Variants in VPS9D1 observed in about 807,000 individuals in gnomAD.
VPS9D1 encodes VPS9 domain-containing protein 1.
In VPS9D1, 78 loss-of-function variants were observed where a neutral mutation model predicts 75.8. The ratio of observed to expected loss-of-function variants is 1.03; its 90% CI spans 0.86 to 1.24. The LOEUF (loss-of-function observed/expected upper bound fraction) is 1.24, where lower values mean the gene tolerates loss of function less well. Among genes scored for constraint, VPS9D1 ranks in the 50% most tolerant of loss-of-function variants. VPS9D1 has a pLI of 0.00. For synonymous variants in VPS9D1, 481 were observed against 385.6 expected (o/e 1.25, Z -2.90); for missense variants, 1,057 against 847.7 (o/e 1.25, Z -3.07).
At chr16:89,720,327 C>G (rs1305506477) in intron 1 of VPS9D1, 3 of 849,714 alleles carry the variant, frequency 3.5e-6, no homozygotes, top group Non-Finnish European at 4.2e-6. Context: ...CTTCCTAAGA[C>G]GACTGCAAAC....
chr16:89,709,411 A>G lies in VPS9D1; in HGVS notation c.1413T>C (p.Ala471=). The part of the protein sequence containing the change: ...LYRSVHRARE[A]ALSRSMELYR... ...AGAGCTCCATGCTCCTGCTCAGGGC[A>G]GCCTCCCGGGCTCGGTGCACGCTCC... The change falls in exon 12 of 15, where the codon GCT becomes GCC. Residue 471 remains alanine, a synonymous_variant. Transcript: ENST00000389386. 1 of 1,521,532 alleles carries G rather than the reference A, an allele frequency of 6.6e-7. No individual in the cohort carries two copies. The allele number at this position is 1,521,532 out of a possible 1,614,324, so 94.3% of individuals were successfully genotyped here.
chr16:89,713,930 A>T (rs578073816), intron 4 of VPS9D1, among the ~76,000 whole-genome samples: 1 of 151,994 alleles, frequency 6.6e-6, no homozygotes, highest in Admixed American at 6.6e-5. Context: ...AAAATCACTG[A>T]GGTTTTTTTG....
rs1016844214 is a variant in VPS9D1, at chr16:89,711,833, C to T, written c.747+49G>A. The T allele has an allele frequency of 6.5e-6, 10 of 1,539,052 alleles. 1 individual carries two copies. The highest frequency in any genetic ancestry group is 3.6e-4 in the Middle Eastern group (2 of 5,498). On this transcript the variant is annotated intron_variant, in intron 8 of 14. Transcript: ENST00000389386. ...CCCACCCAGGCGGCTCTGACCCCGC[C>T]CCCCTCGCTGGGCTCCTCCTACAAA... is the stretch of plus-strand genomic sequence containing the variant.
At chr16:89,713,319 A>T (rs1226782934) in intron 4 of VPS9D1, among the ~76,000 whole-genome samples, 2 of 151,518 alleles carry the variant, frequency 1.3e-5, no homozygotes, top group South Asian at 4.2e-4. Context: ...CAGTGGCGCA[A>T]TCTCGGCTCA....
intron 6 of VPS9D1, 38 bp from the exon 7 acceptor site, chr16:89,712,137 G>A: frequency 6.5e-7 from 1 of 1,547,824 alleles, no homozygotes; most frequent in Non-Finnish European, 8.7e-7. Context: ...TGGGATCTGA[G>A]CGGGCCCTCG....
Position 89,708,489 on chromosome 16 carries a change from C to T in VPS9D1, c.1740G>A (p.Leu580=). Residue 580 remains leucine, a synonymous_variant, in exon 14 of 15, where the codon CTG becomes CTA. Transcript: ENST00000389386. ...DLLPILSFVV[L]RSGLPQLVSE... is the part of the protein sequence containing the mutation. ...ACACCAGCTGAGGGAGGCCGCTCCT[C>T]AGCACCACGAAGGACAGGATGGGCA... 6.2e-7 allele frequency: 1 copy of T among 1,613,180 alleles called. No homozygotes were observed. Among genetic ancestry groups the T allele is most frequent in the Non-Finnish European group, 8.5e-7 (1 of 1,179,922 alleles).
intron 1 of VPS9D1, among the ~76,000 whole-genome samples, chr16:89,719,871 G>A (rs1180781850): frequency 2.0e-5 from 3 of 152,024 alleles, no homozygotes; most frequent in South Asian, 2.1e-4. Flanking sequence ...GGTGTGCACC[G>A]CCACACCCAG....
intron 9 of VPS9D1, 140 bp from the exon 10 acceptor site, chr16:89,711,150 C>T (rs1567544327): frequency 2.5e-6 from 3 of 1,203,466 alleles, no homozygotes; most frequent in East Asian, 2.6e-5. Context: ...CCCCCCGCCC[C>T]CGCTGGGGAG....
chr16:89,712,288 G>A (rs2060950135), intron 6 of VPS9D1, 172 bp downstream of exon 6: 8 of 1,321,768 alleles, frequency 6.1e-6, no homozygotes, highest in Non-Finnish European at 8.3e-6. Flanking sequence ...AGAACATGGG[G>A]GACGGCGGCC....
rs1253243642 is a variant in VPS9D1, at chr16:89,716,610, T to C, written c.283A>G (p.Lys95Glu). Residue 95 changes from lysine to glutamate, a missense_variant, in exon 4 of 15, where the codon AAG (lysine) becomes GAG (glutamate). Physicochemically the swap from Lys to Glu is moderately conservative, Grantham distance 56. Coordinates refer to ENST00000389386, the MANE Select transcript of VPS9D1 (RefSeq NM_004913.3). ...TAAKLGKTRL[K>E]PTMPAAAPIP... ...GGAGCAGCTGCAGGCATGGTTGGCTTCAGGCGTGTTTTCCCTGCAAGCCAT... is the reference window on the plus strand; with the variant it reads ...GGAGCAGCTGCAGGCATGGTTGGCTCCAGGCGTGTTTTCCCTGCAAGCCAT... The C allele has an allele frequency of 6.2e-7, 1 of 1,613,272 alleles. No homozygotes were observed. Among genetic ancestry groups the C allele is most frequent in the African/African-American group, 1.3e-5 (1 of 74,906 alleles).
At chr16:89,712,015 G>A (rs1419968431) in intron 7 of VPS9D1, 32 bp downstream of exon 7, 3 of 1,549,208 alleles carry the variant, frequency 1.9e-6, no homozygotes, top group South Asian at 2.4e-5. Context: ...GGCCCTCCCC[G>A]CAGCGGCCCC....
In VPS9D1 at chr16:89,720,532, C is replaced by T. The variant is rs1212652641; in HGVS notation, c.99+231G>A. On this transcript the variant is annotated intron_variant, in intron 1 of 14. Coordinates refer to ENST00000389386, the MANE Select transcript of VPS9D1 (RefSeq NM_004913.3). ...TGGAGCCCAGGCTGTGATGCACCGG[C>T]TCAGCGAGCGGAGTGGAAAGCCAAG... 8 of 1,164,070 alleles carry T rather than the reference C, an allele frequency of 6.9e-6. No individual in the cohort carries two copies. The South Asian group carries it at 1.3e-4, about 18-fold the overall frequency. 72.1% of individuals were successfully genotyped at this position (1,164,070 alleles called of 1,614,324 possible).
At chr16:89,711,439 A>G in intron 8 of VPS9D1, 27 bp from the exon 9 acceptor site, 1 of 1,583,724 alleles carries the variant, frequency 6.3e-7, no homozygotes, top group Non-Finnish European at 8.6e-7. Context: ...CTTGAAGGAA[A>G]GCACGGTGGG....
At chr16:89,709,530 G>C in intron 11 of VPS9D1, 95 bp from the exon 12 acceptor site, 1 of 1,381,202 alleles carries the variant, frequency 7.2e-7, no homozygotes, top group East Asian at 2.5e-5. Flanking sequence ...GGAGAAAACT[G>C]GCTATGTATC....
intron 4 of VPS9D1, among the ~76,000 whole-genome samples, chr16:89,714,164 C>A (rs2061007643): frequency 6.6e-6 from 1 of 152,102 alleles, no homozygotes. Context: ...TCTCGAACTC[C>A]TGACCTCAGG....
chr16:89,713,229 G>A (rs1483088162), intron 4 of VPS9D1: 1 of 152,102 alleles, frequency 6.6e-6, no homozygotes, highest in African/African-American at 2.4e-5. Flanking sequence ...ACAGGTTTTG[G>A]TATTGCCAGG....
intron 2 of VPS9D1, chr16:89,717,946 A>C (rs1567553313): frequency 2.3e-6 from 1 of 432,778 alleles, no homozygotes; most frequent in South Asian, 1.7e-5. Context: ...CTGTGCTCCC[A>C]CGTCCAGTGG....
chr16:89,713,802 A>T (rs1189699566), intron 4 of VPS9D1, among the ~76,000 whole-genome samples: 1 of 151,560 alleles, frequency 6.6e-6, no homozygotes, highest in Admixed American at 6.6e-5. Flanking sequence ...AGGTCAGGAG[A>T]TTGAGACCAT....
chr16:89,709,158 A>G, intron 12 of VPS9D1, 69 bp downstream of exon 12: 3 of 1,598,676 alleles, frequency 1.9e-6, no homozygotes, highest in Non-Finnish European at 2.6e-6. Flanking sequence ...TCAGTGGTGA[A>G]GACACAGGCT....
Sources: allele counts gnomAD v4.1 joint callset (sites outside exome capture counted in the v4.1 genomes callset), GRCh38; gene constraint gnomAD v4.1.1; transcripts MANE v1.5; gene names NCBI Gene and HGNC (gene_info 2026-07-23, HGNC 2026-07-21).